Variants in GNAT2 observed in about 807,000 individuals in gnomAD.
GNAT2 encodes the protein G protein subunit alpha transducin 2.
In GNAT2, 32 loss-of-function variants were observed where a neutral mutation model predicts 40.9. That is an observed-to-expected ratio of 0.78 (90% confidence interval 0.59 to 1.05). The LOEUF (loss-of-function observed/expected upper bound fraction) is 1.05. Among genes scored for constraint, GNAT2 ranks in the 50% least tolerant of loss-of-function variants. GNAT2 has a pLI of 0.00. For missense variants in GNAT2, 355 were observed against 431.5 expected (o/e 0.82, Z 1.57); for synonymous variants, 141 against 157.2 (o/e 0.90, Z 0.77).
intron 1 of GNAT2, chr1:109,613,935 CA>C (rs1181531373): frequency 6.6e-6 from 1 of 152,246 alleles, no homozygotes; most frequent in African/African-American, 2.4e-5. Context: ...GCTCTCATCC[CA>C]GCTGCCCTTT....
intron 1 of GNAT2, chr1:109,614,717 G>A (rs540753882): frequency 1.3e-5 from 2 of 152,364 alleles, no homozygotes; most frequent in African/African-American, 2.4e-5. Flanking sequence ...GACTGGGAAG[G>A]TCAGGAGTAG....
Position 109,608,782 on chromosome 1 carries a change from C to T in GNAT2, c.310G>A (p.Gly104Arg), listed in dbSNP as rs145002495. The T allele has an allele frequency of 3.7e-5, 60 of 1,613,788 alleles. No homozygotes were observed. The African/African-American group carries it at 4.5e-4, about 12-fold the overall frequency. Residue 104 changes from glycine to arginine, a missense_variant, in exon 5 of 9, where the codon GGG (glycine) becomes AGG (arginine). Physicochemically the swap from Gly to Arg is moderately radical, Grantham distance 125. Coordinates refer to ENST00000679935, the MANE Select transcript of GNAT2 (RefSeq NM_001377295.2). ...TCAGCCAGGTTGTTGAGCTGTCGCCCGTCATCCTGTAATGCAGAAACCTGG... is the reference window on the plus strand; with the variant it reads ...TCAGCCAGGTTGTTGAGCTGTCGCCTGTCATCCTGTAATGCAGAAACCTGG... ...DYAEPSCADDGRQLNNLADSI... is the reference protein window; with the variant it reads ...DYAEPSCADDRRQLNNLADSI...
rs377096148 is a variant in GNAT2, at chr1:109,605,961, G to A, written c.720+9C>T. The A allele has an allele frequency of 1.6e-5, 26 of 1,612,666 alleles. No individual in the cohort carries two copies. The highest frequency in any genetic ancestry group is 6.7e-5 in the Admixed American group (4 of 60,000). On this transcript the variant is annotated intron_variant, in intron 7 of 8. Coordinates refer to ENST00000679935, the MANE Select transcript of GNAT2 (RefSeq NM_001377295.2). ...TCTACCAAAGCTGCTTGATGCAAAG[G>A]CCACTCACCACTTCGTCATCTTCCA...
chr1:109,608,468 A>T, intron 5 of GNAT2, 163 bp downstream of exon 5: 2 of 719,058 alleles, frequency 2.8e-6, no homozygotes, highest in Non-Finnish European at 2.5e-6. Flanking sequence ...AATTCAAAAC[A>T]TTGCTGAAGC....
intron 2 of GNAT2, chr1:109,611,240 A>T (rs560934089): frequency 6.7e-6 from 1 of 148,678 alleles, no homozygotes; most frequent in South Asian, 2.1e-4. Flanking sequence ...CAGTGGTGCT[A>T]TCTTGGCTCA....
chr1:109,608,828 A>G (rs1317949395), intron 4 of GNAT2, 40 bp from the exon 5 acceptor site: 4 of 1,562,182 alleles, frequency 2.6e-6, no homozygotes, highest in Admixed American at 1.7e-5. Flanking sequence ...CACAGGAGTA[A>G]TAGCTTTCCA....
At chr1:109,608,463 A>C in intron 5 of GNAT2, 168 bp downstream of exon 5, 1 of 706,596 alleles carries the variant, frequency 1.4e-6, no homozygotes, top group South Asian at 1.5e-5. Context: ...CATTAAATTC[A>C]AAACATTGCT....
In GNAT2 at chr1:109,606,454, G is replaced by A; in HGVS notation, c.462-18C>T. On this transcript the variant is annotated intron_variant, in intron 5 of 8. Transcript: ENST00000679935. ...TCAGGTAGCTAGAGAAAAGTGATTA[G>A]CATCAATGACAAATTTTCCACAGAC... is the stretch of plus-strand genomic sequence containing the variant. 6.2e-7 allele frequency: 1 copy of A among 1,610,720 alleles called. No individual in the cohort carries two copies. Among genetic ancestry groups the A allele is most frequent in the East Asian group, 2.2e-5 (1 of 44,870 alleles).
chr1:109,606,044 C>T lies in GNAT2; in HGVS notation c.646G>A (p.Glu216Lys), dbSNP rs1649581162. 4 of 1,612,532 alleles carry T rather than the reference C, an allele frequency of 2.5e-6. No individual in the cohort carries two copies. The highest frequency in any genetic ancestry group is 1.3e-5 in the African/African-American group (1 of 75,030). The change falls in exon 7 of 9, where the codon GAG (glutamate) becomes AAG (lysine). Residue 216 changes from glutamate to lysine, a missense_variant. By Grantham distance (56) the Glu-to-Lys change is moderately conservative (BLOSUM62 1). Coordinates refer to ENST00000679935, the MANE Select transcript of GNAT2 (RefSeq NM_001377295.2). The part of the protein sequence containing the change: ...SERKKWIHCF[E>K]GVTCIIFCAA... ...CAGAAAATGATGCAGGTGACTCCCT[C>T]GAAGCAGTGGATCCACTTCTTTCTC...
chr1:109,607,303 T>C (rs1253084428), intron 5 of GNAT2: 4 of 151,994 alleles, frequency 2.6e-5, no homozygotes, highest in Non-Finnish European at 5.9e-5. Flanking sequence ...TACAAAAAAT[T>C]AGCTGGGCAT....
intron 5 of GNAT2, chr1:109,607,861 G>A (rs1649660421): frequency 6.4e-6 from 1 of 155,796 alleles, no homozygotes; most frequent in Non-Finnish European, 1.4e-5. Flanking sequence ...CGTTGAGATG[G>A]TATACACAGT....
chr1:109,609,759 C>A, intron 4 of GNAT2: 1 of 446,692 alleles, frequency 2.2e-6, no homozygotes, highest in Non-Finnish European at 4.2e-6. Flanking sequence ...ATCTACATGA[C>A]CTTGGGCAGT....
Position 109,603,280 on chromosome 1 carries a change from A to T in GNAT2, c.*74T>A. The stretch of plus-strand genomic sequence containing the variant: ...TCATTCTTCATGTCATGGTATATTG[A>T]CTATAATTTTCTGTTTTTAATTACC... On this transcript the variant is annotated 3_prime_UTR_variant, in exon 9 of 9. Coordinates refer to ENST00000679935, the MANE Select transcript of GNAT2 (RefSeq NM_001377295.2). The T allele has an allele frequency of 1.3e-6, 1 of 792,582 alleles. No homozygotes were observed. Among genetic ancestry groups the T allele is most frequent in the Non-Finnish European group, 2.3e-6 (1 of 443,706 alleles). The allele number at this position is 792,582 out of a possible 1,614,324, so 49.1% of individuals were successfully genotyped here. A position where few individuals can be genotyped will look rare whatever the true frequency, so the allele number is the denominator to read the frequency against.
chr1:109,613,302 A>G (rs1649856616), intron 1 of GNAT2: 1 of 282,828 alleles, frequency 3.5e-6, no homozygotes, highest in African/African-American at 2.2e-5. Flanking sequence ...TATTTGCATC[A>G]TAGAGCTAGA....
At chr1:109,617,298 TC>T (rs1490368366) in intron 1 of GNAT2, 1 of 152,174 alleles carries the variant, frequency 6.6e-6, no homozygotes, top group Non-Finnish European at 1.5e-5. Context: ...GAAAAGCACT[TC>T]TTCAGAGAAA....
Position 109,612,780 on chromosome 1 carries a change from C to T in GNAT2, c.91G>A (p.Ala31Thr). ...KKLQEDADKE[A>T]KTVKLLLLGA... ...AGCAGTAGCAGCTTGACAGTCTTGG[C>T]TTCCTTATCAGCATCCTCCTGCAGC... The change falls in exon 2 of 9, where the codon GCC (alanine) becomes ACC (threonine). Residue 31 changes from alanine (A) to threonine (T), a missense_variant. Coordinates refer to ENST00000679935, the MANE Select transcript of GNAT2 (RefSeq NM_001377295.2). 1 of 1,610,498 alleles carries T rather than the reference C, an allele frequency of 6.2e-7. No individual in the cohort carries two copies. Among genetic ancestry groups the T allele is most frequent in the Non-Finnish European group, 8.5e-7 (1 of 1,176,726 alleles).
Position 109,610,221 on chromosome 1 carries a change from T to C in GNAT2, c.162-40A>G, listed in dbSNP as rs756034089. ...CACTCTGTCTTTAGCTGGACCTGAG[T>C]AACCAGACCTAAGGGATTAGGAATT... On this transcript the variant is annotated intron_variant, in intron 3 of 8. Coordinates refer to ENST00000679935, the MANE Select transcript of GNAT2 (RefSeq NM_001377295.2). The C allele has an allele frequency of 2.6e-5, 42 of 1,604,878 alleles. 2 individuals carry two copies. The South Asian group carries it at 4.6e-4, about 18-fold the overall frequency.
In GNAT2 at chr1:109,612,920, T is replaced by A. The variant is rs1649846505; in HGVS notation, c.-50A>T. 1 of 1,218,376 alleles carries A rather than the reference T, an allele frequency of 8.2e-7. No homozygotes were observed. Among genetic ancestry groups the A allele is most frequent in the East Asian group, 2.3e-5 (1 of 43,032 alleles). 75.5% of individuals were successfully genotyped at this position (1,218,376 alleles called of 1,614,324 possible). A position where few individuals can be genotyped will look rare whatever the true frequency, so the allele number is the denominator to read the frequency against. On this transcript the variant is annotated 5_prime_UTR_variant, in exon 2 of 9. Transcript: ENST00000679935. ...AGGCCCCTAATCCTCTCTCGTAAGG[T>A]TTCCTGTATGTGAGATGGAAGAGAA...
Position 109,603,120 on chromosome 1 carries a change from G to GAAAACCTTGGAAAAACCAGTTGGA in GNAT2, c.*233_*234insTCCAACTGGTTTTTCCAAGGTTTT. 1.8e-6 allele frequency: 1 copy of GAAAACCTTGGAAAAACCAGTTGGA among 563,356 alleles called. No individual in the cohort carries two copies. Among genetic ancestry groups the GAAAACCTTGGAAAAACCAGTTGGA allele is most frequent in the South Asian group, 2.1e-5 (1 of 47,034 alleles). The allele number at this position is 563,356 out of a possible 1,614,324, so 34.9% of individuals were successfully genotyped here. A position where few individuals can be genotyped will look rare whatever the true frequency, so the allele number is the denominator to read the frequency against. On this transcript the variant is annotated 3_prime_UTR_variant, in exon 9 of 9. Coordinates refer to ENST00000679935, the MANE Select transcript of GNAT2 (RefSeq NM_001377295.2). ...GTATTCACAGTTTTGTATTAAGTTG[G>GAAAACCTTGGAAAAACCAGTTGGA]AAAACCAGTACTGGAACCTGGGGGG...
Sources: allele counts gnomAD v4.1 joint callset, GRCh38; gene constraint gnomAD v4.1.1; transcripts MANE v1.5; gene names NCBI Gene and HGNC (gene_info 2026-07-23, HGNC 2026-07-21).